Variants in MIB1 observed in about 807,000 individuals in gnomAD.
MIB1 encodes the protein E3 ubiquitin-protein ligase MIB1.
In MIB1, 278 loss-of-function variants were observed where a neutral mutation model predicts 124.5. That is an observed-to-expected ratio of 2.23 (90% CI 2.02 to 2.47). The LOEUF (loss-of-function observed/expected upper bound fraction) is 2.47, where lower values mean the gene tolerates loss of function less well. Among genes scored for constraint, MIB1 ranks in the 30% most tolerant of loss-of-function variants. The pLI, the probability that MIB1 is intolerant of heterozygous loss-of-function variation, is 0.00. For missense variants in MIB1, 957 were observed against 1,254.4 expected (o/e 0.76, Z 3.58); for synonymous variants, 446 against 429.4 (o/e 1.04, Z -0.48).
chr18:21,796,397 G>T (rs201546321), intron 7 of MIB1, among the ~76,000 whole-genome samples: 13 of 151,950 alleles, frequency 8.6e-5, no homozygotes, highest in African/African-American at 2.4e-4. Context: ...CTGTCAGGGT[G>T]GGGGGCAAGG....
chr18:21,770,889 TCTTTAA>T (rs1346502997), intron 3 of MIB1, among the ~76,000 whole-genome samples: 1 of 152,220 alleles, frequency 6.6e-6, no homozygotes, highest in African/African-American at 2.4e-5. Flanking sequence ...TTTATAGTAT[TCTTTAA>T]CTTCTTTAAC....
At chr18:21,768,182 T>C (rs1328208880) in intron 2 of MIB1, among the ~76,000 whole-genome samples, 1 of 152,186 alleles carries the variant, frequency 6.6e-6, no homozygotes, top group Non-Finnish European at 1.5e-5. Flanking sequence ...ATCTCTACAA[T>C]AGTGAAGAGT....
In MIB1 at chr18:21,869,536, A is replaced by T. The variant is rs1405579712; in HGVS notation, c.*4870A>T. 6.6e-6 allele frequency: 1 copy of T among 152,532 alleles called. No homozygotes were observed. Among genetic ancestry groups the T allele is most frequent in the Non-Finnish European group, 1.5e-5 (1 of 67,922 alleles). The allele number at this position is 152,532 out of a possible 1,614,324, so 9.4% of individuals were successfully genotyped here. A position where few individuals can be genotyped will look rare whatever the true frequency, so the allele number is the denominator to read the frequency against. On this transcript the variant is annotated 3_prime_UTR_variant, in exon 21 of 21. Transcript: ENST00000261537. ...TAAAGTCATATTGCTTAGCTTGTTA[A>T]TAATGATTCTGCATGTGTGCTGGGT...
rs2042320354 is a variant in MIB1, at chr18:21,866,232, T to G, written c.*1566T>G. ...CTGGCTGTTTAATCCTTGCTGCCTT[T>G]GCAAGTCCTGGTGAAAGCAATGGGG... On this transcript the variant is annotated 3_prime_UTR_variant, in exon 21 of 21. Transcript: ENST00000261537. 6.6e-6 allele frequency: 1 copy of G among 152,232 alleles called. No homozygotes were observed. Among genetic ancestry groups the G allele is most frequent in the Non-Finnish European group, 1.5e-5 (1 of 68,044 alleles). 9.4% of individuals were successfully genotyped at this position (152,232 alleles called of 1,614,324 possible).
intron 4 of MIB1, among the ~76,000 whole-genome samples, chr18:21,773,966 A>G (rs2041251963): frequency 6.6e-6 from 1 of 152,146 alleles, no homozygotes; most frequent in African/African-American, 2.4e-5. Context: ...CAGGGGGTTT[A>G]TTTACGAAAA....
At chr18:21,829,336 G>C (rs1414763702) in intron 12 of MIB1, 1 of 278,898 alleles carries the variant, frequency 3.6e-6, no homozygotes, top group Non-Finnish European at 6.9e-6. Flanking sequence ...CTTTTTGCAA[G>C]AGATTCAAAG....
At chr18:21,738,916 A>T (rs2040811079), upstream of MIB1, among the ~76,000 whole-genome samples, 1 of 150,426 alleles carries the variant, frequency 6.6e-6, no homozygotes, top group African/African-American at 2.4e-5. Flanking sequence ...AGCTAGCAGA[A>T]GACAAGAAAT....
At chr18:21,844,339 T>C (rs960536969) in intron 15 of MIB1, 86 bp downstream of exon 15, 66 of 1,338,274 alleles carry the variant, frequency 4.9e-5, no homozygotes, top group Non-Finnish European at 6.5e-5. Flanking sequence ...TAACCTGTAT[T>C]GGATAAAATA....
intron 1 of MIB1, among the ~76,000 whole-genome samples, chr18:21,714,585 T>TA (rs1322400205): frequency 6.6e-6 from 1 of 152,196 alleles, no homozygotes; most frequent in African/African-American, 2.4e-5. Flanking sequence ...TCTTGCATAG[T>TA]ATCCTCCCAT....
chr18:21,780,978 A>G (rs1239768536), intron 6 of MIB1, among the ~76,000 whole-genome samples: 1 of 152,162 alleles, frequency 6.6e-6, no homozygotes, highest in African/African-American at 2.4e-5. Context: ...TGGCTGTACT[A>G]ATTTAAAGTC....
At chr18:21,714,343 G>A (rs1568174358) in intron 1 of MIB1, among the ~76,000 whole-genome samples, 2 of 152,160 alleles carry the variant, frequency 1.3e-5, no homozygotes, top group South Asian at 4.1e-4. Flanking sequence ...TGGTGAATAC[G>A]TGAGTTTCAT....
intron 7 of MIB1, among the ~76,000 whole-genome samples, chr18:21,796,518 C>G (rs1948551433): frequency 6.6e-6 from 1 of 152,116 alleles, no homozygotes; most frequent in Admixed American, 6.6e-5. Flanking sequence ...AGCTATGTAA[C>G]AAACCTGCAC....
intron 10 of MIB1, among the ~76,000 whole-genome samples, chr18:21,808,289 C>T (rs111349789): frequency 6.6e-6 from 1 of 152,176 alleles, no homozygotes; most frequent in African/African-American, 2.4e-5. Flanking sequence ...CTGCAAACTA[C>T]AGCTCGCAGG....
chr18:21,728,743 T>G (rs1224890425), intron 1 of MIB1, among the ~76,000 whole-genome samples: 1 of 152,222 alleles, frequency 6.6e-6, no homozygotes, highest in East Asian at 1.9e-4. Context: ...CAATGTGTAA[T>G]TATCAAATCA....
intron 3 of MIB1, among the ~76,000 whole-genome samples, chr18:21,770,033 G>T (rs2041207619): frequency 6.6e-6 from 1 of 152,102 alleles, no homozygotes; most frequent in South Asian, 2.1e-4. Flanking sequence ...GTGAGACCCT[G>T]TCTCCACTAA....
Position 21,716,019 on chromosome 18 carries a change from G to C in MIB1, n.167+10896G>C, listed in dbSNP as rs532478157. On this transcript the variant is annotated intron_variant and non_coding_transcript_variant, in intron 1 of 20. Coordinates refer to the MIB1 transcript ENST00000578646. Reference sequence around the variant, plus strand: ...AACACAAGAAGCTCAAAGAAGACCTGGGAAATTCATTGCAAAAAGATCATT... The same window carrying C: ...AACACAAGAAGCTCAAAGAAGACCTCGGAAATTCATTGCAAAAAGATCATT... Among the ~76,000 whole-genome samples the C allele has an allele frequency of 1.9e-3, 287 of 152,268 alleles. 2 individuals carry two copies. Among genetic ancestry groups the C allele is most frequent in the Non-Finnish European group, 1.9e-3 (126 of 68,024 alleles).
chr18:21,721,235 C>T (rs777100172), intron 1 of MIB1, among the ~76,000 whole-genome samples: 1 of 110,048 alleles, frequency 9.1e-6, no homozygotes, highest in East Asian at 3.2e-4. Context: ...GGCTGGAGTG[C>T]GATGGTGCGA....
intron 10 of MIB1, among the ~76,000 whole-genome samples, chr18:21,806,625 GT>G (rs1156634721): frequency 2.6e-3 from 368 of 141,582 alleles, no homozygotes; most frequent in African/African-American, 7.9e-3. Context: ...TTTGTTTTTT[GT>G]TTTTTTTTTT....
At chr18:21,706,345 A>G (rs1274910263) in intron 1 of MIB1, among the ~76,000 whole-genome samples, 1 of 152,172 alleles carries the variant, frequency 6.6e-6, no homozygotes, top group African/African-American at 2.4e-5. Context: ...TGCTGGTGAG[A>G]GGTGACAACG....
Sources: allele counts gnomAD v4.1 joint callset (sites outside exome capture counted in the v4.1 genomes callset), GRCh38; gene constraint gnomAD v4.1.1; transcripts MANE v1.5; gene names NCBI Gene and HGNC (gene_info 2026-07-23, HGNC 2026-07-21).